Variants in MAN1A2 observed in about 807,000 individuals in gnomAD.
The protein encoded by MAN1A2 is mannosyl-oligosaccharide 1,2-alpha-mannosidase IB.
In MAN1A2, 26 loss-of-function variants were observed where a neutral mutation model predicts 75.7. That is an observed-to-expected ratio of 0.34 (90% CI 0.25 to 0.48). MAN1A2 has a LOEUF of 0.48. MAN1A2 is among the 20% of genes least tolerant of loss of function. The probability of loss-of-function intolerance (pLI) is 0.99; values close to 1 mark genes in which losing one functional copy is unlikely to be tolerated. For missense variants in MAN1A2, 562 were observed against 775.5 expected (o/e 0.72, Z 3.27); for synonymous variants, 247 against 264.6 (o/e 0.93, Z 0.65).
chr1:117,484,116 C>G (rs966532476), intron 8 of MAN1A2, among the ~76,000 whole-genome samples: 1 of 151,714 alleles, frequency 6.6e-6, no homozygotes, highest in African/African-American at 2.4e-5. Context: ...AATAGCCTAC[C>G]GTTGACCCAG....
At chr1:117,411,667 A>C (rs1647822313) in intron 3 of MAN1A2, among the ~76,000 whole-genome samples, 1 of 151,842 alleles carries the variant, frequency 6.6e-6, no homozygotes, top group Admixed American at 6.6e-5. Context: ...AAATATTTAC[A>C]TAAGGATGTA....
chr1:117,446,932 T>C (rs985995625), intron 6 of MAN1A2, among the ~76,000 whole-genome samples: 1 of 152,158 alleles, frequency 6.6e-6, no homozygotes, highest in Non-Finnish European at 1.5e-5. Context: ...TTTTGCTTCA[T>C]GCATTTTGAC....
intron 8 of MAN1A2, among the ~76,000 whole-genome samples, chr1:117,469,912 T>G (rs930180347): frequency 1.3e-5 from 2 of 152,114 alleles, no homozygotes; most frequent in Non-Finnish European, 2.9e-5. Context: ...ACCTAGCAGT[T>G]CCTTAAAAAG....
In MAN1A2 at chr1:117,419,792, G is replaced by A. The variant is rs571936974; in HGVS notation, c.775-777G>A. 4.6e-5 allele frequency among the ~76,000 whole-genome samples: 7 copies of A among 151,874 alleles called. No individual in the cohort carries two copies. In the East Asian group the frequency reaches 1.4e-3, roughly 29 times the overall value. ...AGGTTATTAATATTACTATATTTGTGCTGTTTCCATCTGTTTGCCATTTAG... is the reference window on the plus strand; with the variant it reads ...AGGTTATTAATATTACTATATTTGTACTGTTTCCATCTGTTTGCCATTTAG... On this transcript the variant is annotated intron_variant, in intron 4 of 12. Coordinates refer to ENST00000356554, the MANE Select transcript of MAN1A2 (RefSeq NM_006699.5).
intron 6 of MAN1A2, among the ~76,000 whole-genome samples, chr1:117,444,994 A>T (rs893367996): frequency 6.6e-6 from 1 of 152,166 alleles, no homozygotes; most frequent in African/African-American, 2.4e-5. Context: ...TTCATCAGTT[A>T]TATCAATTTC....
chr1:117,383,960 G>A (rs907796139), intron 1 of MAN1A2, among the ~76,000 whole-genome samples: 2 of 152,042 alleles, frequency 1.3e-5, no homozygotes, highest in Non-Finnish European at 1.5e-5. Context: ...TTTCTGTAAG[G>A]TCAGCTGCAG....
chr1:117,428,754 A>C (rs966392787), intron 5 of MAN1A2, among the ~76,000 whole-genome samples: 1 of 151,354 alleles, frequency 6.6e-6, no homozygotes, highest in African/African-American at 2.4e-5. Context: ...TCAAGATGAA[A>C]AGTATTGTCA....
intron 3 of MAN1A2, among the ~76,000 whole-genome samples, chr1:117,410,305 T>TA (rs1207727118): frequency 6.6e-6 from 1 of 151,930 alleles, no homozygotes; most frequent in Non-Finnish European, 1.5e-5. Flanking sequence ...TAGTTTAAGA[T>TA]ATCAGTATAA....
chr1:117,519,061 A>G (rs902901716), intron 12 of MAN1A2, among the ~76,000 whole-genome samples: 1 of 152,122 alleles, frequency 6.6e-6, no homozygotes. Context: ...ATACATAGAA[A>G]TTAAATAACC....
intron 5 of MAN1A2, among the ~76,000 whole-genome samples, chr1:117,436,234 A>G (rs1393573223): frequency 1.3e-5 from 2 of 152,234 alleles, no homozygotes; most frequent in Admixed American, 6.5e-5. Context: ...TGGCTCCTAC[A>G]GGAAGCAAAC....
At chr1:117,474,312 A>G (rs190108754) in intron 8 of MAN1A2, among the ~76,000 whole-genome samples, 1 of 152,104 alleles carries the variant, frequency 6.6e-6, no homozygotes, top group Admixed American at 6.6e-5. Context: ...ATTGCTGGTG[A>G]AAATAACAGT....
chr1:117,398,243 G>A (rs957832800), intron 1 of MAN1A2, among the ~76,000 whole-genome samples: 4 of 152,142 alleles, frequency 2.6e-5, no homozygotes, highest in Non-Finnish European at 2.9e-5. Flanking sequence ...TGTATATTAG[G>A]GAGATTTGTC....
At chr1:117,411,716 A>G (rs952984639) in intron 3 of MAN1A2, among the ~76,000 whole-genome samples, 1 of 151,790 alleles carries the variant, frequency 6.6e-6, no homozygotes, top group Non-Finnish European at 1.5e-5. Context: ...AAGGAGGTAT[A>G]TGAATAGCCA....
At chr1:117,425,854 A>C (rs2101787454) in intron 5 of MAN1A2, among the ~76,000 whole-genome samples, 1 of 152,342 alleles carries the variant, frequency 6.6e-6, no homozygotes, top group South Asian at 2.1e-4. Context: ...ATCGTTTAGA[A>C]CTATTAAAAA....
At chr1:117,519,906 T>C (rs1030438624) in intron 12 of MAN1A2, among the ~76,000 whole-genome samples, 1 of 152,044 alleles carries the variant, frequency 6.6e-6, no homozygotes, top group African/African-American at 2.4e-5. Context: ...ATATTCTTGA[T>C]GAACCAGATG....
At position 117,485,574 on chromosome 1, in the gene MAN1A2, T is replaced by C. The variant is rs142832012; in HGVS notation, c.1169-7573T>C. On this transcript the variant is annotated intron_variant, in intron 8 of 12. Transcript: ENST00000356554. ...ATGGAATCCCAGAGAGATTTTGGGT[T>C]CATAAACAATAGATACCAGTAAACA... is the stretch of plus-strand genomic sequence containing the variant. Among the ~76,000 whole-genome samples, 26 of 151,990 alleles carry C rather than the reference T, an allele frequency of 1.7e-4. No homozygotes were observed. The East Asian group carries it at 4.9e-3, about 28-fold the overall frequency.
rs1013060882 is a variant in MAN1A2 at position 117,527,536 on chromosome 1, A to G, written c.*4579A>G. On this transcript the variant is annotated 3_prime_UTR_variant, in exon 13 of 13. Transcript: ENST00000356554. ...ATTTTGTTGTCTTGAAAGCAGATAC[A>G]CTCTTCCTGGAGTCTGTTCAGGTTT... The G allele has an allele frequency of 3.9e-5, 6 of 151,978 alleles. No homozygotes were observed. Among genetic ancestry groups the G allele is most frequent in the African/African-American group, 1.2e-4 (5 of 41,418 alleles). The allele number at this position is 151,978 out of a possible 1,614,324, so 9.4% of individuals were successfully genotyped here. A position where few individuals can be genotyped will look rare whatever the true frequency, so the allele number is the denominator to read the frequency against.
chr1:117,461,540 G>T (rs1199328636), intron 7 of MAN1A2, among the ~76,000 whole-genome samples: 1 of 152,128 alleles, frequency 6.6e-6, no homozygotes, highest in Non-Finnish European at 1.5e-5. Context: ...AAAATAGCTA[G>T]AAGAGAAGAC....
chr1:117,526,835 T>C lies in MAN1A2; in HGVS notation c.*3878T>C, dbSNP rs1652032158. ...TTATACTCAAATTGGCTAGGTCCTA[T>C]CTTTTCCTCTCTCTCTCTCTCTCTC... On this transcript the variant is annotated 3_prime_UTR_variant, in exon 13 of 13. Coordinates refer to ENST00000356554, the MANE Select transcript of MAN1A2 (RefSeq NM_006699.5). The C allele has an allele frequency of 7.3e-6, 1 of 136,466 alleles. No individual in the cohort carries two copies. Among genetic ancestry groups the C allele is most frequent in the Non-Finnish European group, 1.6e-5 (1 of 63,156 alleles). The allele number at this position is 136,466 out of a possible 1,614,324, so 8.5% of individuals were successfully genotyped here. A position where few individuals can be genotyped will look rare whatever the true frequency, so the allele number is the denominator to read the frequency against.
Sources: gnomAD v4.1 joint callset for allele counts (sites outside exome capture counted in the v4.1 genomes callset) on GRCh38, gnomAD v4.1.1 for gene constraint, MANE v1.5 for transcripts, NCBI Gene and HGNC (gene_info 2026-07-23, HGNC 2026-07-21) for gene names.